SLC6A14: variants seen among roughly 807,000 people sequenced by gnomAD.
The protein encoded by SLC6A14 is solute carrier family 6 member 14.
SLC6A14 carries 21 observed loss-of-function variants against 51.4 expected under a neutral mutation model. The observed-to-expected ratio is 0.41, with a 90% CI of 0.29 to 0.59. SLC6A14 has a LOEUF of 0.59. Ranked by LOEUF, SLC6A14 falls within the 20% of genes least tolerant of loss-of-function variation. The pLI is 0.31. For missense variants in SLC6A14, 371 were observed against 472.8 expected, an observed-to-expected ratio of 0.78 and a Z score of 2.00; for synonymous variants, 177 against 160.7, an observed-to-expected ratio of 1.10 and a Z score of -0.77.
chrX:116,454,852 C>T (rs1430098588), intron 10 of SLC6A14, 125 bp from the exon 11 acceptor site: 2 of 499,340 alleles, frequency 4.0e-6, no homozygotes, highest in African/African-American at 2.4e-5. Flanking sequence ...TTGCTTTTCG[C>T]ATTTTAGCAG....
At chrX:116,442,891 T>G in intron 4 of SLC6A14, 43 bp downstream of exon 4, 1 of 991,673 alleles carries the variant, frequency 1.0e-6, no homozygotes, top group Non-Finnish European at 1.4e-6. Context: ...ATATATATTT[T>G]TTATAAGCTT....
At chrX:116,442,936 C>T in intron 4 of SLC6A14, 88 bp downstream of exon 4, 1 of 640,230 alleles carries the variant, frequency 1.6e-6, no homozygotes, top group South Asian at 3.3e-5. Flanking sequence ...AACTTAGGTA[C>T]AATTTTAAAT....
At position 116,459,518 on chromosome X, in the gene SLC6A14, T is replaced by C. The variant is rs1237079356; in HGVS notation, c.*563T>C. 6.3e-5 allele frequency: 7 copies of C among 111,811 alleles called. No homozygotes were observed. Among genetic ancestry groups the C allele is most frequent in the African/African-American group, 2.3e-4 (7 of 30,753 alleles). 9.2% of individuals were successfully genotyped at this position (111,811 alleles called of 1,213,427 possible). ...TTTTTACCCAAATATGTTTAAAAAC[T>C]TCGTGCATTTGTTACAGCTCATGTT... On this transcript the variant is annotated 3_prime_UTR_variant, in exon 14 of 14. Transcript: ENST00000598581.
intron 4 of SLC6A14, 39 bp downstream of exon 4, chrX:116,442,887 A>T (rs782813130): frequency 2.3e-5 from 23 of 1,011,315 alleles, no homozygotes; most frequent in Admixed American, 3.3e-5. Context: ...TTTTATATAT[A>T]TTTTTTATAA....
At position 116,436,669 on chromosome X, in the gene SLC6A14, T is replaced by C; in HGVS notation, c.-41T>C. ...TGCTACCAGTCAAGCTCAGCCAGAC[T>C]GCAAGAGGAGGCGAGGCGGAGCCAG... On this transcript the variant is annotated 5_prime_UTR_variant, in exon 1 of 14. Transcript: ENST00000598581. 1.7e-6 allele frequency: 2 copies of C among 1,154,986 alleles called. No homozygotes were observed. Among genetic ancestry groups the C allele is most frequent in the Middle Eastern group, 2.4e-4 (1 of 4,239 alleles).
intron 3 of SLC6A14, 97 bp downstream of exon 3, chrX:116,441,194 A>G: frequency 1.1e-6 from 1 of 884,867 alleles, no homozygotes; most frequent in Non-Finnish European, 1.6e-6. Context: ...GAGGAACAAA[A>G]AATTGCTTAA....
chrX:116,444,520 A>G (rs782153114), intron 5 of SLC6A14, among the ~76,000 whole-genome samples: 25 of 112,261 alleles, frequency 2.2e-4, no homozygotes, highest in African/African-American at 8.1e-4. Flanking sequence ...TGGAATGAGG[A>G]AATATTTAAT....
At chrX:116,446,982 G>A in intron 7 of SLC6A14, 101 bp downstream of exon 7, 1 of 689,298 alleles carries the variant, frequency 1.5e-6, no homozygotes, top group Non-Finnish European at 2.2e-6. Flanking sequence ...GTAATAGCTT[G>A]CAAAATAATA....
chrX:116,453,599 G>C (rs1266869174), intron 9 of SLC6A14, among the ~76,000 whole-genome samples: 2 of 111,167 alleles, frequency 1.8e-5, no homozygotes, highest in African/African-American at 6.5e-5. Context: ...GAATCCCATT[G>C]ATACACAGGC....
rs1556694660 is a variant in SLC6A14, at chrX:116,454,972, G to A, written c.1405-5G>A. On this transcript the variant is annotated splice_region_variant and splice_polypyrimidine_tract_variant and intron_variant, in intron 10 of 13. Transcript: ENST00000598581. ...ACTTAGAAGTAATTAACATTTTTTT[G>A]GTAGGCTGGAATTTACTGGGTTCAT... 8.5e-7 allele frequency: 1 copy of A among 1,170,545 alleles called. No homozygotes were observed. Among genetic ancestry groups the A allele is most frequent in the African/African-American group, 1.8e-5 (1 of 55,576 alleles).
intron 5 of SLC6A14, 107 bp downstream of exon 5, chrX:116,443,897 G>A: frequency 9.5e-6 from 6 of 629,804 alleles, no homozygotes; most frequent in Non-Finnish European, 1.4e-5. Flanking sequence ...ATAGAAAAAG[G>A]AAAATCAGGA....
intron 1 of SLC6A14, 140 bp from the exon 2 acceptor site, chrX:116,437,650 C>G: frequency 1.7e-6 from 1 of 589,655 alleles, no homozygotes; most frequent in African/African-American, 2.3e-5. Context: ...ATCTCCCCAA[C>G]TTTCTAAAGC....
intron 12 of SLC6A14, 125 bp from the exon 13 acceptor site, chrX:116,457,484 T>C: frequency 3.9e-6 from 2 of 516,195 alleles, no homozygotes; most frequent in Non-Finnish European, 5.9e-6. Context: ...ATTTCAATTA[T>C]TTGAATATAT....
chrX:116,436,816 G>A (rs146597744), intron 1 of SLC6A14, 59 bp downstream of exon 1: 65 of 1,052,089 alleles, frequency 6.2e-5, no homozygotes, highest in Non-Finnish European at 8.1e-5. Context: ...ACTTAAGGGG[G>A]GTTGCTAGTC....
At chrX:116,443,479 T>C (rs1053109619) in intron 4 of SLC6A14, among the ~76,000 whole-genome samples, 164 bp from the exon 5 acceptor site, 1 of 111,880 alleles carries the variant, frequency 8.9e-6, no homozygotes, top group African/African-American at 3.2e-5. Flanking sequence ...GATTTTAAGA[T>C]GCTGAATGTA....
At chrX:116,453,170 T>A (rs1556694523) in intron 9 of SLC6A14, 28 bp downstream of exon 9, 1 of 1,159,576 alleles carries the variant, frequency 8.6e-7, no homozygotes, top group Non-Finnish European at 1.2e-6. Context: ...TGGTAACATA[T>A]TCCTCTTATA....
intron 9 of SLC6A14, 73 bp downstream of exon 9, chrX:116,453,215 G>T: frequency 1.1e-6 from 1 of 947,982 alleles, no homozygotes. Context: ...AAAACAAGGT[G>T]CTTTTATTAC....
chrX:116,445,372 TGAATG>T (rs1556693938), intron 6 of SLC6A14, among the ~76,000 whole-genome samples: 1 of 107,301 alleles, frequency 9.3e-6, no homozygotes, highest in Non-Finnish European at 1.9e-5. Context: ...AGAAGCATCT[TGAATG>T]GAATCATACA....
chrX:116,454,381 T>C lies in SLC6A14; in HGVS notation c.1343T>C (p.Val448Ala), dbSNP rs782642251. ...CCCAAAGTGATGAAGAAAATGAGGG[T>C]TCCCATAACTTTGGGCTGCTGCTTG... ...LFPKVMKKMR[V>A]PITLGCCLVL... The change falls in exon 10 of 14, where the codon GTT (valine) becomes GCT (alanine). Residue 448 changes from valine (V) to alanine (A), a missense_variant. Physicochemically the swap from Val to Ala is moderately conservative, Grantham distance 64. Coordinates refer to ENST00000598581, the MANE Select transcript of SLC6A14 (RefSeq NM_007231.5). 5.0e-6 allele frequency: 6 copies of C among 1,205,760 alleles called. No homozygotes were observed. Among genetic ancestry groups the C allele is most frequent in the African/African-American group, 1.7e-5 (1 of 57,506 alleles).
Sources: gnomAD v4.1 joint callset for allele counts (sites outside exome capture counted in the v4.1 genomes callset) on GRCh38, gnomAD v4.1.1 for gene constraint, MANE v1.5 for transcripts, NCBI Gene and HGNC (gene_info 2026-07-23, HGNC 2026-07-21) for gene names.